The following BCR variants were observed in gnomAD, a reference collection of about 807,000 sequenced individuals.
BCR encodes the protein BCR activator of RhoGEF and GTPase.
Under a neutral mutation model 138.6 loss-of-function variants are expected in BCR, and 58 were observed. The ratio of observed to expected loss-of-function variants is 0.42; its 90% CI spans 0.34 to 0.52. The LOEUF (loss-of-function observed/expected upper bound fraction) is 0.52. BCR is among the 20% of genes least tolerant of loss of function. The pLI, the probability that BCR is intolerant of heterozygous loss-of-function variation, is 0.06. For synonymous variants in BCR, 786 were observed against 730.1 expected, an observed-to-expected ratio of 1.08 and a Z score of -1.23; for missense variants, 1,599 against 1,727.2, an observed-to-expected ratio of 0.93 and a Z score of 1.32.
At chr22:23,293,758 T>C (rs1372782427) in intron 15 of BCR, among the ~76,000 whole-genome samples, 1 of 152,118 alleles carries the variant, frequency 6.6e-6, no homozygotes, top group African/African-American at 2.4e-5. Context: ...TCACTGTCCA[T>C]GAAGATCTGG....
chr22:23,227,205 C>T (rs1433106198), intron 1 of BCR, among the ~76,000 whole-genome samples: 1 of 152,170 alleles, frequency 6.6e-6, no homozygotes, highest in African/African-American at 2.4e-5. Flanking sequence ...TGACAAGTGC[C>T]ACTTGTTAAT....
chr22:23,193,366 C>G (rs376993122), intron 1 of BCR, among the ~76,000 whole-genome samples: 2 of 152,350 alleles, frequency 1.3e-5, no homozygotes, highest in South Asian at 4.1e-4. Flanking sequence ...GAGGGTGACC[C>G]TTCCCCTTGG....
chr22:23,180,794 T>C lies in BCR; in HGVS notation c.-167T>C, dbSNP rs529512434. 3.8e-4 allele frequency: 84 copies of C among 223,394 alleles called. 1 individual carries two copies. The South Asian group carries it at 7.1e-3, about 19-fold the overall frequency. 13.8% of individuals were successfully genotyped at this position (223,394 alleles called of 1,614,324 possible). A position where few individuals can be genotyped will look rare whatever the true frequency, so the allele number is the denominator to read the frequency against. On this transcript the variant is annotated 5_prime_UTR_variant, in exon 1 of 23. Coordinates refer to ENST00000305877, the MANE Select transcript of BCR (RefSeq NM_004327.4). Reference sequence around the variant, plus strand: ...CCGCCCCGCGCGCCGAGCGCCCCGCTCCGCCTCACCTGCCACCAGGGAGTG... The same window carrying C: ...CCGCCCCGCGCGCCGAGCGCCCCGCCCCGCCTCACCTGCCACCAGGGAGTG...
intron 1 of BCR, among the ~76,000 whole-genome samples, chr22:23,211,361 C>G (rs2072680039): frequency 6.6e-6 from 1 of 151,992 alleles, no homozygotes; most frequent in Non-Finnish European, 1.5e-5. Context: ...CTACACCCAG[C>G]TAATTTTTTT....
chr22:23,290,666 G>T (rs2073775676), intron 14 of BCR: 12 of 507,020 alleles, frequency 2.4e-5, no homozygotes, highest in South Asian at 2.1e-4. Context: ...CCCCCTGCAG[G>T]TGGATCGAGT....
At chr22:23,229,309 T>C (rs2072927653) in intron 1 of BCR, among the ~76,000 whole-genome samples, 1 of 152,240 alleles carries the variant, frequency 6.6e-6, no homozygotes, top group Non-Finnish European at 1.5e-5. Flanking sequence ...CTTTAAAGTC[T>C]TAGTCTGATA....
intron 10 of BCR, among the ~76,000 whole-genome samples, chr22:23,285,863 C>CT (rs1160990057): frequency 2.0e-5 from 3 of 152,214 alleles, no homozygotes; most frequent in Non-Finnish European, 2.9e-5. Context: ...GGTGTGATCA[C>CT]TTTAAGTTCA....
intron 9 of BCR, 65 bp from the exon 10 acceptor site, chr22:23,284,968 C>G: frequency 6.5e-7 from 1 of 1,543,108 alleles, no homozygotes; most frequent in Non-Finnish European, 8.9e-7. Flanking sequence ...GGGCTCTTGA[C>G]AGCAGTGACA....
intron 6 of BCR, among the ~76,000 whole-genome samples, chr22:23,272,222 G>A (rs930404769): frequency 6.6e-6 from 1 of 152,232 alleles, no homozygotes; most frequent in Non-Finnish European, 1.5e-5. Context: ...TGAGTCCAGA[G>A]TTGCTGGGAA....
chr22:23,309,651 G>A (rs1438702722), intron 17 of BCR, 168 bp downstream of exon 17: 10 of 608,742 alleles, frequency 1.6e-5, no homozygotes, highest in Admixed American at 5.7e-5. Flanking sequence ...CACGGGAATC[G>A]TCATTCATTG....
At chr22:23,271,722 C>A in intron 6 of BCR, 130 bp downstream of exon 6, 1 of 856,380 alleles carries the variant, frequency 1.2e-6, no homozygotes, top group Non-Finnish European at 1.9e-6. Flanking sequence ...GTTCTCTCTT[C>A]AGATAGAGTG....
At chr22:23,315,377 A>G in intron 22 of BCR, 56 bp from the exon 23 acceptor site, 2 of 1,541,012 alleles carry the variant, frequency 1.3e-6, no homozygotes, top group Non-Finnish European at 9.0e-7. Flanking sequence ...ACCTCCCACC[A>G]GCAGCTGTGA....
At chr22:23,313,520 G>C (rs1225601280) in intron 20 of BCR, among the ~76,000 whole-genome samples, 1 of 152,232 alleles carries the variant, frequency 6.6e-6, no homozygotes, top group Non-Finnish European at 1.5e-5. Flanking sequence ...CCAGCCTGCA[G>C]GTGCCCCTGT....
intron 4 of BCR, among the ~76,000 whole-genome samples, chr22:23,265,687 C>T (rs888301827): frequency 1.3e-5 from 2 of 152,206 alleles, no homozygotes; most frequent in African/African-American, 2.4e-5. Context: ...GCAAAGAGCT[C>T]TAGTATAGCC....
Position 23,181,910 on chromosome 22 carries a change from C to T in BCR, c.950C>T (p.Ser317Phe), listed in dbSNP as rs770723511. ...CTTACCTGGCCCCGCAGGTCCTACT[C>T]CCCCCGGAGTTTTGAGGATTGCGGA... ...KRLTWPRRSY[S>F]PRSFEDCGGG... The change falls in exon 1 of 23, where the codon TCC becomes TTC. Residue 317 changes from serine to phenylalanine, a missense_variant. Ser to Phe is a radical substitution (Grantham distance 155). Transcript: ENST00000305877. The T allele has an allele frequency of 1.2e-5, 19 of 1,613,282 alleles. No homozygotes were observed. The highest frequency in any genetic ancestry group is 3.3e-5 in the South Asian group (3 of 91,074).
intron 1 of BCR, among the ~76,000 whole-genome samples, chr22:23,223,175 G>A (rs549645775): frequency 1.8e-3 from 270 of 152,232 alleles, no homozygotes; most frequent in Admixed American, 3.1e-3. Context: ...CTTTGGTGGG[G>A]GGTACAGTAT....
At chr22:23,309,995 A>G (rs2073989761) in intron 17 of BCR, 4 of 408,084 alleles carry the variant, frequency 9.8e-6, no homozygotes, top group Non-Finnish European at 1.4e-5. Flanking sequence ...CTGGAGTCTG[A>G]GGCAGGAGAA....
chr22:23,223,831 C>T (rs1007656304), intron 1 of BCR, among the ~76,000 whole-genome samples: 3 of 152,194 alleles, frequency 2.0e-5, no homozygotes, highest in Non-Finnish European at 4.4e-5. Flanking sequence ...TGCTGTCCCC[C>T]CTGTAATGGG....
Position 23,292,601 on chromosome 22 carries a change from G to T in BCR, c.2843G>T (p.Arg948Leu), listed in dbSNP as rs768044777. The T allele has an allele frequency of 6.2e-7, 1 of 1,613,382 alleles. No homozygotes were observed. Among genetic ancestry groups the T allele is most frequent in the South Asian group, 1.1e-5 (1 of 91,050 alleles). Residue 948 changes from arginine to leucine, a missense_variant, in exon 15 of 23, where the codon CGC becomes CTC. Physicochemically the swap from Arg to Leu is moderately radical, Grantham distance 102. Around this residue, in one of 4 missense-constraint regions of BCR, gnomAD observed 590 missense variants for 762.4 expected, o/e 0.77. Coordinates refer to ENST00000305877, the MANE Select transcript of BCR (RefSeq NM_004327.4). The part of the protein sequence containing the change: ...FGYFVNKAKT[R>L]VYRDTAEPNW... ...TATTTTGTGAATAAAGCAAAGACGC[G>T]CGTCTACAGGGACACAGCTGAGCCA...
Sources: allele counts gnomAD v4.1 joint callset (sites outside exome capture counted in the v4.1 genomes callset), GRCh38; gene constraint gnomAD v4.1.1; regional missense constraint gnomAD v4.1.1; transcripts MANE v1.5; gene names NCBI Gene and HGNC (gene_info 2026-07-23, HGNC 2026-07-21).